Variants in BRDT observed in about 807,000 individuals in gnomAD.
BRDT encodes bromodomain testis-specific protein.
A neutral mutation model predicts 113.9 loss-of-function variants in BRDT; 77 were observed. The observed-to-expected ratio is 0.68, with a 90% CI of 0.56 to 0.82. The LOEUF is 0.82. Among genes scored for constraint, BRDT ranks in the 40% least tolerant of loss-of-function variants. The probability of loss-of-function intolerance (pLI) is 0.00; values close to 1 mark genes in which losing one functional copy is unlikely to be tolerated. For missense variants in BRDT, 1,027 were observed against 1,105.4 expected, an observed-to-expected ratio of 0.93 and a Z score of 1.01; for synonymous variants, 358 against 366.5, an observed-to-expected ratio of 0.98 and a Z score of 0.26.
At chr1:91,987,157 C>T (rs534346735) in intron 12 of BRDT, among the ~76,000 whole-genome samples, 18 of 151,638 alleles carry the variant, frequency 1.2e-4, no homozygotes, top group African/African-American at 2.7e-4. Flanking sequence ...TGGCTTCAAG[C>T]GATCTGCCTG....
intron 1 of BRDT, among the ~76,000 whole-genome samples, chr1:91,952,777 C>CA (rs66618367): frequency 0.011 from 799 of 74,850 alleles, 31 homozygotes; most frequent in African/African-American, 0.029. Flanking sequence ...GACCCATCTC[C>CA]AAAAAAAAAA....
chr1:91,992,128 C>A, intron 13 of BRDT, 136 bp from the exon 14 acceptor site: 1 of 389,748 alleles, frequency 2.6e-6, no homozygotes, highest in Non-Finnish European at 4.5e-6. Flanking sequence ...ATTTATGTAA[C>A]AACATCTAAC....
At chr1:92,004,862 G>A (rs1031526844) in intron 17 of BRDT, among the ~76,000 whole-genome samples, 68 of 152,094 alleles carry the variant, frequency 4.5e-4, no homozygotes, top group African/African-American at 1.6e-3. Context: ...TTATTTTACA[G>A]AAATGTCTTA....
intron 2 of BRDT, 74 bp downstream of exon 2, chr1:91,963,020 T>C: frequency 1.6e-6 from 2 of 1,224,414 alleles, no homozygotes; most frequent in Non-Finnish European, 2.3e-6. Flanking sequence ...ATAACTAGTC[T>C]TTAATATTAT....
intron 1 of BRDT, among the ~76,000 whole-genome samples, chr1:91,962,264 G>T (rs1281738154): frequency 8.2e-6 from 1 of 121,230 alleles, no homozygotes; most frequent in African/African-American, 2.9e-5. Context: ...TTTAAAAATT[G>T]ATTCCTTTGC....
In BRDT at chr1:91,992,237, T is replaced by C. The variant is rs1162999851; in HGVS notation, c.2065-27T>C. 3.3e-6 allele frequency: 4 copies of C among 1,227,218 alleles called. No homozygotes were observed. The Admixed American group carries it at 1.1e-4, about 33-fold the overall frequency. 76.0% of individuals were successfully genotyped at this position (1,227,218 alleles called of 1,614,324 possible). ...CATGGTTAAGAGATAATATGATTAA[T>C]GCTATAATCTATATAATTATTTTTA... On this transcript the variant is annotated intron_variant, in intron 13 of 18. Transcript: ENST00000399546.
chr1:92,006,213 G>A (rs929641132), intron 18 of BRDT, among the ~76,000 whole-genome samples: 1 of 152,192 alleles, frequency 6.6e-6, no homozygotes, highest in African/African-American at 2.4e-5. Flanking sequence ...CTGTTGGATA[G>A]GGTGTTAATC....
At chr1:91,989,238 A>G (rs1685555430) in intron 12 of BRDT, among the ~76,000 whole-genome samples, 1 of 152,144 alleles carries the variant, frequency 6.6e-6, no homozygotes, top group Non-Finnish European at 1.5e-5. Flanking sequence ...TTGTAGGATA[A>G]TGTAGTTTTA....
chr1:92,006,263 T>A (rs55918432), intron 18 of BRDT, among the ~76,000 whole-genome samples: 10,164 of 152,248 alleles, frequency 0.067, 400 homozygotes, highest in African/African-American at 0.096. Context: ...TATGAAATGA[T>A]CTTTACTTCT....
At position 91,981,143 on chromosome 1, in the gene BRDT, C is replaced by T. The variant is rs376776587; in HGVS notation, c.1715C>T (p.Ser572Leu). The T allele has an allele frequency of 3.0e-5, 49 of 1,612,444 alleles. No individual in the cohort carries two copies. Among genetic ancestry groups the T allele is most frequent in the African/African-American group, 2.8e-4 (21 of 74,718 alleles). ...STLRELEKYV[S>L]ACLRKRPLKP... ...CTAAGAGAATTAGAAAAATATGTTT[C>T]GGCATGTCTAAGAAAGAGACCATTA... Residue 572 changes from serine (S) to leucine (L), a missense_variant, in exon 10 of 19, where the codon TCG becomes TTG. Transcript: ENST00000399546.
intron 7 of BRDT, 128 bp downstream of exon 7, chr1:91,978,424 CA>C: frequency 3.8e-6 from 4 of 1,054,900 alleles, no homozygotes; most frequent in Non-Finnish European, 5.3e-6. Flanking sequence ...GCAAAAACCA[CA>C]ATTACTTTTG....
intron 14 of BRDT, among the ~76,000 whole-genome samples, chr1:91,993,260 AC>A (rs747321990): frequency 7.9e-5 from 12 of 152,028 alleles, no homozygotes; most frequent in Non-Finnish European, 1.0e-4. Flanking sequence ...CTACTCACTC[AC>A]CCCAATGCCT....
At chr1:91,967,808 C>T (rs1683230002) in intron 3 of BRDT, among the ~76,000 whole-genome samples, 1 of 152,132 alleles carries the variant, frequency 6.6e-6, no homozygotes, top group Non-Finnish European at 1.5e-5. Flanking sequence ...GCTGGGATTA[C>T]AGGCGTGAGC....
chr1:91,960,758 T>C (rs1040210896), intron 1 of BRDT, among the ~76,000 whole-genome samples: 4 of 152,232 alleles, frequency 2.6e-5, no homozygotes, highest in Admixed American at 6.5e-5. Flanking sequence ...ACTACTTTAA[T>C]GCAGACAAAG....
intron 12 of BRDT, among the ~76,000 whole-genome samples, chr1:91,990,514 G>A: frequency 6.6e-6 from 1 of 152,092 alleles, no homozygotes; most frequent in East Asian, 1.9e-4. Context: ...TTAGCATAAT[G>A]GATGCTGCTT....
intron 14 of BRDT, 97 bp downstream of exon 14, chr1:91,992,411 G>T: frequency 5.2e-6 from 1 of 193,554 alleles, no homozygotes; most frequent in Non-Finnish European, 8.1e-6. Context: ...ATGAAGAGAG[G>T]CAAAAAAAAA....
rs147014259 is a variant in BRDT, at chr1:91,969,477, T to C, written c.445+1217T>C. ...TATTCACTGATTATATTTAAGTCCTTATTCTTATTTTAGAAAAGGTTGATC... is the reference window on the plus strand; with the variant it reads ...TATTCACTGATTATATTTAAGTCCTCATTCTTATTTTAGAAAAGGTTGATC... On this transcript the variant is annotated intron_variant, in intron 4 of 18. Coordinates refer to ENST00000399546, the MANE Select transcript of BRDT (RefSeq NM_207189.4). Among the ~76,000 whole-genome samples the C allele has an allele frequency of 1.9e-4, 29 of 152,252 alleles. No homozygotes were observed. In the East Asian group the frequency reaches 5.6e-3, roughly 29 times the overall value.
intron 1 of BRDT, among the ~76,000 whole-genome samples, chr1:91,955,040 T>C (rs1395875087): frequency 2.0e-5 from 3 of 152,206 alleles, no homozygotes; most frequent in Non-Finnish European, 2.9e-5. Flanking sequence ...GGTAACTCTG[T>C]ACTTTTTTCC....
At chr1:92,003,925 A>T (rs1687067083) in intron 16 of BRDT, among the ~76,000 whole-genome samples, 1 of 152,132 alleles carries the variant, frequency 6.6e-6, no homozygotes, top group Non-Finnish European at 1.5e-5. Context: ...GTTTAAGAAG[A>T]GCAGTCACAT....
Sources: gnomAD v4.1 joint callset for allele counts (sites outside exome capture counted in the v4.1 genomes callset) on GRCh38, gnomAD v4.1.1 for gene constraint, MANE v1.5 for transcripts, NCBI Gene and HGNC (gene_info 2026-07-23, HGNC 2026-07-21) for gene names.